The following PTPN5 variants were observed in gnomAD, a reference collection of about 807,000 sequenced individuals.
PTPN5 encodes the protein tyrosine-protein phosphatase non-receptor type 5.
A neutral mutation model predicts 73.9 loss-of-function variants in PTPN5; 29 were observed. The ratio of observed to expected loss-of-function variants is 0.39; its 90% CI spans 0.29 to 0.54. The LOEUF is 0.54. Ranked by LOEUF, PTPN5 falls within the 20% of genes least tolerant of loss-of-function variation. PTPN5 has a pLI of 0.65. For synonymous variants in PTPN5, 267 were observed against 304.7 expected (o/e 0.88, Z 1.29); for missense variants, 652 against 751.4 (o/e 0.87, Z 1.55).
At chr11:18,757,148 A>G (rs919746857) in intron 3 of PTPN5, among the ~76,000 whole-genome samples, 2 of 152,306 alleles carry the variant, frequency 1.3e-5, no homozygotes, top group South Asian at 4.1e-4. Flanking sequence ...ACCATAAAAA[A>G]ATGAGCTGTG....
At position 18,736,201 on chromosome 11, in the gene PTPN5, C is replaced by T. The variant is rs888249760; in HGVS notation, c.1000+1679G>A. Among the ~76,000 whole-genome samples the T allele has an allele frequency of 7.2e-5, 11 of 152,062 alleles. No homozygotes were observed. In the East Asian group the frequency reaches 1.2e-3, roughly 16 times the overall value. ...CTATAATCCCAGCACTTTGGGAGGC[C>T]GAAGCAGGCGAGGACAGCTTGAGGC... On this transcript the variant is annotated intron_variant, in intron 9 of 14. Coordinates refer to ENST00000358540, the MANE Select transcript of PTPN5 (RefSeq NM_006906.2).
At chr11:18,788,151 T>C (rs986652525) in intron 1 of PTPN5, among the ~76,000 whole-genome samples, 5 of 152,208 alleles carry the variant, frequency 3.3e-5, no homozygotes, top group African/African-American at 4.8e-5. Flanking sequence ...CTGTGGCCTC[T>C]TGCATCAACT....
intron 12 of PTPN5, chr11:18,730,131 C>A (rs931832045): frequency 1.0e-5 from 5 of 495,892 alleles, no homozygotes; most frequent in African/African-American, 9.9e-5. Flanking sequence ...GGTTCCTTAT[C>A]TTAACAAATG....
At position 18,729,129 on chromosome 11, in the gene PTPN5, CCT is replaced by C. The variant is rs1848755382; in HGVS notation, c.1605-104_1605-103del. The C allele has an allele frequency of 7.9e-7, 1 of 1,266,446 alleles. No homozygotes were observed. Among genetic ancestry groups the C allele is most frequent in the Non-Finnish European group, 1.1e-6 (1 of 892,894 alleles). The allele number at this position is 1,266,446 out of a possible 1,614,324, so 78.5% of individuals were successfully genotyped here. On this transcript the variant is annotated intron_variant, in intron 14 of 14. Coordinates refer to ENST00000358540, the MANE Select transcript of PTPN5 (RefSeq NM_006906.2). The surrounding 1 kb of genome is among the most constrained non-coding windows in gnomAD (Gnocchi z 5.2). ...TAGCAATCACTTGCCAGGCCTTGCC[CCT>C]GTGCGTCTTGGAGAGACCAACCCTT...
At chr11:18,757,500 C>A (rs2134272855) in intron 3 of PTPN5, among the ~76,000 whole-genome samples, 1 of 152,322 alleles carries the variant, frequency 6.6e-6, no homozygotes, top group South Asian at 2.1e-4. Flanking sequence ...TATTCAAAAC[C>A]CCAGATTCCC....
chr11:18,791,943 G>A (rs1405737826), upstream of PTPN5: 5 of 152,192 alleles, frequency 3.3e-5, no homozygotes, highest in Admixed American at 3.3e-4. Context: ...GGCACGAAGG[G>A]GGCCGGATCA....
Position 18,733,327 on chromosome 11 carries a change from T to C in PTPN5, c.1126A>G (p.Ile376Val). Reference sequence around the variant, plus strand: ...CAGAAGTCGGCGACCGTGCTGACGATGGGTCCCTGAGTGGCGATGTACACC... The same window carrying C: ...CAGAAGTCGGCGACCGTGCTGACGACGGGTCCCTGAGTGGCGATGTACACC... ...EKVYIATQGP[I>V]VSTVADFWRM... The change falls in exon 11 of 15, where the codon ATC becomes GTC. Residue 376 changes from isoleucine to valine, a missense_variant. Physicochemically the swap from Ile to Val is conservative, Grantham distance 29. Coordinates refer to ENST00000358540, the MANE Select transcript of PTPN5 (RefSeq NM_006906.2). The surrounding 1 kb of genome is among the most constrained non-coding windows in gnomAD (Gnocchi z 4.3). 4.3e-6 allele frequency: 7 copies of C among 1,614,162 alleles called. No homozygotes were observed. Among genetic ancestry groups the C allele is most frequent in the Non-Finnish European group, 5.9e-6 (7 of 1,180,024 alleles).
chr11:18,743,150 C>A, intron 5 of PTPN5, 75 bp from the exon 6 acceptor site: 2 of 1,279,656 alleles, frequency 1.6e-6, no homozygotes, highest in Non-Finnish European at 2.2e-6. Context: ...ATGACAAAAC[C>A]AAGATTCTGA....
chr11:18,775,298 A>G (rs543518630), intron 1 of PTPN5, among the ~76,000 whole-genome samples: 1 of 152,234 alleles, frequency 6.6e-6, no homozygotes, highest in Non-Finnish European at 1.5e-5. Flanking sequence ...GTTGCTTTCT[A>G]TATGTTCTTT....
chr11:18,733,265 G>A lies in PTPN5; in HGVS notation c.1188C>T (p.Val396=). 6.2e-7 allele frequency: 1 copy of A among 1,613,982 alleles called. No individual in the cohort carries two copies. The highest frequency in any genetic ancestry group is 8.5e-7 in the Non-Finnish European group (1 of 1,179,894). ...TCATCTCCTCGATGTTGGTGATCAT[G>A]ACAATGATGGGCGTGTGCTCCTGCC... ...MVWQEHTPII[V]MITNIEEMNE... Residue 396 remains valine, a synonymous_variant, in exon 11 of 15, where the codon GTC becomes GTT. Coordinates refer to ENST00000358540, the MANE Select transcript of PTPN5 (RefSeq NM_006906.2). This position sits in a 1 kb window ranked among gnomAD's most constrained non-coding sequence, Gnocchi z 4.3.
intron 5 of PTPN5, 51 bp downstream of exon 5, chr11:18,743,271 G>C (rs1849455880): frequency 6.4e-7 from 1 of 1,550,416 alleles, no homozygotes; most frequent in Non-Finnish European, 8.9e-7. Flanking sequence ...GGTGGGACTA[G>C]AGGCCCCCAA....
At chr11:18,773,690 G>C (rs1242136835) in intron 1 of PTPN5, among the ~76,000 whole-genome samples, 4 of 152,126 alleles carry the variant, frequency 2.6e-5, no homozygotes, top group Non-Finnish European at 4.4e-5. Flanking sequence ...CATTTAAGGA[G>C]CATAATGAGA....
intron 9 of PTPN5, among the ~76,000 whole-genome samples, chr11:18,734,098 C>T (rs529847597): frequency 6.6e-6 from 1 of 151,788 alleles, no homozygotes; most frequent in South Asian, 2.1e-4. Context: ...GCAAAGATGC[C>T]TACTTGCTTG....
chr11:18,747,504 G>A lies in PTPN5; in HGVS notation c.98-3305C>T, dbSNP rs532739920. 1.8e-4 allele frequency among the ~76,000 whole-genome samples: 28 copies of A among 152,254 alleles called. 1 individual carries two copies. Among genetic ancestry groups the A allele is most frequent in the Admixed American group, 7.8e-4 (12 of 15,288 alleles). On this transcript the variant is annotated intron_variant, in intron 3 of 14. Coordinates refer to ENST00000358540, the MANE Select transcript of PTPN5 (RefSeq NM_006906.2). ...TCTACACTACGATATATTTGTACTC[G>A]TTTTGATATGAAAATAATGTGTTTT...
At chr11:18,774,650 C>T (rs1383473775) in intron 1 of PTPN5, among the ~76,000 whole-genome samples, 1 of 152,212 alleles carries the variant, frequency 6.6e-6, no homozygotes, top group Non-Finnish European at 1.5e-5. Flanking sequence ...GTAGCAGGGG[C>T]TAGCTGCATA....
Position 18,762,798 on chromosome 11 carries a change from G to T in PTPN5, c.97+3009C>A, listed in dbSNP as rs149569092. Among the ~76,000 whole-genome samples the T allele has an allele frequency of 9.9e-4, 150 of 152,244 alleles. 2 individuals are homozygous for T. The highest frequency in any genetic ancestry group is 3.6e-3 in the African/African-American group (148 of 41,536). On this transcript the variant is annotated intron_variant, in intron 3 of 14. Coordinates refer to ENST00000358540, the MANE Select transcript of PTPN5 (RefSeq NM_006906.2). ...TGTTCTTGCTATATTGTGAATGGGG[G>T]GTCCAGAAAGATTCAGTAGCTTGTC... is the stretch of plus-strand genomic sequence containing the variant.
chr11:18,740,682 A>C lies in PTPN5; in HGVS notation c.836T>G (p.Leu279Arg). The C allele has an allele frequency of 6.2e-7, 1 of 1,609,114 alleles. No homozygotes were observed. The highest frequency in any genetic ancestry group is 8.5e-7 in the Non-Finnish European group (1 of 1,177,340). ...PREESAREYL[L>R]SASRVLQAEE... ...TGCTTGGAGGACACGGGAGGCGCTG[A>C]GCAGGTACTCGCGGGCGGACTCCTC... The change falls in exon 8 of 15, where the codon CTC becomes CGC. Residue 279 changes from leucine (L) to arginine (R), a missense_variant. Physicochemically the swap from Leu to Arg is moderately radical, Grantham distance 102. Coordinates refer to ENST00000358540, the MANE Select transcript of PTPN5 (RefSeq NM_006906.2).
chr11:18,784,409 CATG>C (rs1435167876), intron 1 of PTPN5, among the ~76,000 whole-genome samples: 1 of 151,792 alleles, frequency 6.6e-6, no homozygotes, highest in Non-Finnish European at 1.5e-5. Flanking sequence ...AAAAGACAAA[CATG>C]ATGCCACTTA....
At chr11:18,777,189 T>G (rs1435681444) in intron 1 of PTPN5, among the ~76,000 whole-genome samples, 1 of 151,774 alleles carries the variant, frequency 6.6e-6, no homozygotes, top group Admixed American at 6.6e-5. Flanking sequence ...AACAACACCA[T>G]AAAAGTAGTA....
Sources: gnomAD v4.1 joint callset for allele counts (sites outside exome capture counted in the v4.1 genomes callset) on GRCh38, gnomAD v4.1.1 for gene constraint, Gnocchi (gnomAD v3.1) non-coding constraint, MANE v1.5 for transcripts, NCBI Gene and HGNC (gene_info 2026-07-23, HGNC 2026-07-21) for gene names.